ZNF133: variants seen among roughly 807,000 people sequenced by gnomAD.
The protein encoded by ZNF133 is zinc finger protein 133.
ZNF133 carries 26 observed loss-of-function variants against 54.9 expected under a neutral mutation model. That is an observed-to-expected ratio of 0.47 (90% CI 0.35 to 0.66). The LOEUF (loss-of-function observed/expected upper bound fraction) is 0.66. Among genes scored for constraint, ZNF133 ranks in the 30% least tolerant of loss-of-function variants. The pLI, the probability that ZNF133 is intolerant of heterozygous loss-of-function variation, is 0.01. For synonymous variants in ZNF133, 298 were observed against 320.3 expected, an observed-to-expected ratio of 0.93 and a Z score of 0.74; for missense variants, 653 against 820.8, an observed-to-expected ratio of 0.80 and a Z score of 2.50.
intron 1 of ZNF133, among the ~76,000 whole-genome samples, chr20:18,292,819 A>T (rs1327697219): frequency 6.6e-6 from 1 of 152,236 alleles, no homozygotes; most frequent in Non-Finnish European, 1.5e-5. Context: ...TACTTGCCAA[A>T]TGAAGGCATA....
At chr20:18,307,666 G>A (rs1003352060) in intron 6 of ZNF133, among the ~76,000 whole-genome samples, 1 of 152,010 alleles carries the variant, frequency 6.6e-6, no homozygotes, top group African/African-American at 2.4e-5. Flanking sequence ...AATCCCACAG[G>A]TTATAGATCC....
chr20:18,305,022 G>T lies in ZNF133; in HGVS notation c.-163G>T, dbSNP rs1285558136. 1 of 985,248 alleles carries T rather than the reference G, an allele frequency of 1.0e-6. No homozygotes were observed. The highest frequency in any genetic ancestry group is 1.2e-6 in the Non-Finnish European group (1 of 829,946). 61.0% of individuals were successfully genotyped at this position (985,248 alleles called of 1,614,324 possible). On this transcript the variant is annotated 5_prime_UTR_variant, in exon 4 of 7. The change creates a premature stop within an existing upstream ORF in the 5' untranslated region. Transcript: ENST00000425686. This position sits in a 1 kb window ranked among gnomAD's most constrained non-coding sequence, Gnocchi z 4.7. ...CTCTATTCCAGTGTGTCCTCCATTTGGAAGTAGTGCTAAGAAAATTAAAAG... is the reference window on the plus strand; with the variant it reads ...CTCTATTCCAGTGTGTCCTCCATTTTGAAGTAGTGCTAAGAAAATTAAAAG...
intron 1 of ZNF133, among the ~76,000 whole-genome samples, chr20:18,296,960 CTGT>C (rs1362578244): frequency 3.9e-5 from 6 of 152,198 alleles, no homozygotes; most frequent in African/African-American, 1.2e-4. Context: ...CTTTGGATTC[CTGT>C]TGTTGTTCTT....
chr20:18,294,671 T>C (rs2041860985), intron 1 of ZNF133, among the ~76,000 whole-genome samples: 1 of 152,204 alleles, frequency 6.6e-6, no homozygotes, highest in Admixed American at 6.5e-5. Context: ...TTGTTTTGTT[T>C]TTTGAAGAAG....
intron 1 of ZNF133, among the ~76,000 whole-genome samples, chr20:18,294,595 G>C (rs2041835869): frequency 6.8e-6 from 1 of 146,602 alleles, no homozygotes; most frequent in South Asian, 2.1e-4. Flanking sequence ...CAACTTCCTT[G>C]TAAGTCTAAA....
In ZNF133 at chr20:18,306,278, T is replaced by C. The variant is rs1393309633; in HGVS notation, c.122-20T>C. The C allele has an allele frequency of 5.0e-6, 8 of 1,607,634 alleles. No homozygotes were observed. The highest frequency in any genetic ancestry group is 6.8e-6 in the Non-Finnish European group (8 of 1,176,204). Reference sequence around the variant, plus strand: ...CTTGAGCCCATAACCTAGTTACTTATTTTCTTTTCCTGTGAGCAGGAATTT... The same window carrying C: ...CTTGAGCCCATAACCTAGTTACTTACTTTCTTTTCCTGTGAGCAGGAATTT... On this transcript the variant is annotated intron_variant, in intron 5 of 6. Transcript: ENST00000425686.
Position 18,315,265 on chromosome 20 carries a change from C to T in ZNF133, c.414C>T (p.Pro138=). 1 of 1,614,050 alleles carries T rather than the reference C, an allele frequency of 6.2e-7. No homozygotes were observed. The highest frequency in any genetic ancestry group is 8.5e-7 in the Non-Finnish European group (1 of 1,179,996). Residue 138 remains proline, a synonymous_variant, in exon 7 of 7, where the codon CCC becomes CCT. Coordinates refer to ENST00000425686, the MANE Select transcript of ZNF133 (RefSeq NM_001352452.2). ...EKQQQASEGR[P]WSDQAEGPEG... ...AGCAACAAGCCTCTGAGGGGAGACC[C>T]TGGAGTGATCAAGCAGAAGGTCCTG...
At chr20:18,300,615 A>G (rs189258889) in intron 3 of ZNF133, among the ~76,000 whole-genome samples, 2 of 152,298 alleles carry the variant, frequency 1.3e-5, no homozygotes, top group Non-Finnish European at 2.9e-5. Context: ...ATAGTTTCAG[A>G]AGAATGGAAA....
rs2044464623 is a variant in ZNF133, at chr20:18,305,929, T to C, written c.121+122T>C. 2 of 1,304,390 alleles carry C rather than the reference T, an allele frequency of 1.5e-6. No individual in the cohort carries two copies. Among genetic ancestry groups the C allele is most frequent in the Non-Finnish European group, 2.1e-6 (2 of 958,748 alleles). 80.8% of individuals were successfully genotyped at this position (1,304,390 alleles called of 1,614,324 possible). ...TGGACCAAAAAGCAACTACATTTTA[T>C]TCGTGTTTCCCCAGGGAGGGTCTGA... On this transcript the variant is annotated intron_variant, in intron 5 of 6. Coordinates refer to ENST00000425686, the MANE Select transcript of ZNF133 (RefSeq NM_001352452.2). This position sits in a 1 kb window ranked among gnomAD's most constrained non-coding sequence, Gnocchi z 4.7.
intron 6 of ZNF133, chr20:18,306,771 T>C (rs1486603689): frequency 7.6e-7 from 1 of 1,308,942 alleles, no homozygotes; most frequent in East Asian, 4.9e-5. Flanking sequence ...GAGGAAGAAA[T>C]CTAAAAAGCC....
At chr20:18,289,788 T>G (rs1450348014) in intron 1 of ZNF133, 1 of 152,264 alleles carries the variant, frequency 6.6e-6, no homozygotes, top group Admixed American at 6.5e-5. Context: ...AGAAGGTCGC[T>G]TCATGCTCAG....
chr20:18,314,858 T>C, intron 6 of ZNF133: 1 of 475,912 alleles, frequency 2.1e-6, no homozygotes, highest in Admixed American at 3.8e-5. Context: ...TGTAGTCTTA[T>C]ATGTAGAGCA....
intron 3 of ZNF133, among the ~76,000 whole-genome samples, chr20:18,302,090 G>T (rs1881274609): frequency 6.6e-6 from 1 of 152,046 alleles, no homozygotes; most frequent in South Asian, 2.1e-4. Flanking sequence ...ATGCAGGATT[G>T]TTCAACATAC....
chr20:18,289,286 C>T (rs1050603593), intron 1 of ZNF133, among the ~76,000 whole-genome samples: 1 of 152,124 alleles, frequency 6.6e-6, no homozygotes, highest in African/African-American at 2.4e-5. Flanking sequence ...TCCCAGGGAC[C>T]GTCATTGATC....
chr20:18,305,695 C>G lies in ZNF133; in HGVS notation c.9C>G (p.Phe3Leu), dbSNP rs1164485786. 3.7e-6 allele frequency: 6 copies of G among 1,614,018 alleles called. No individual in the cohort carries two copies. Among genetic ancestry groups the G allele is most frequent in the Non-Finnish European group, 5.1e-6 (6 of 1,180,038 alleles). Reference sequence around the variant, plus strand: ...TTGTGTTACAGGCACACATGGCATTCAGGGATGTGGCTGTGGATTTCACCC... The same window carrying G: ...TTGTGTTACAGGCACACATGGCATTGAGGGATGTGGCTGTGGATTTCACCC... MA[F>L]RDVAVDFTQD... The change falls in exon 5 of 7, where the codon TTC (phenylalanine) becomes TTG (leucine). Residue 3 changes from phenylalanine to leucine, a missense_variant. Phe to Leu is a conservative substitution (Grantham distance 22). This residue lies in a region of ZNF133 where 227 missense variants were observed against 233.9 expected (regional missense o/e 0.97). Coordinates refer to ENST00000425686, the MANE Select transcript of ZNF133 (RefSeq NM_001352452.2). The surrounding 1 kb of genome is among the most constrained non-coding windows in gnomAD (Gnocchi z 4.7).
intron 3 of ZNF133, among the ~76,000 whole-genome samples, chr20:18,302,233 C>G (rs973816708): frequency 6.6e-5 from 10 of 151,736 alleles, no homozygotes; most frequent in African/African-American, 2.4e-4. Flanking sequence ...AAACCACATC[C>G]CTACTGAAAA....
Position 18,316,559 on chromosome 20 carries a change from CG to C in ZNF133, c.1711del (p.Ala571LeufsTer28), listed in dbSNP as rs1460003294. ...TAAGTCAGCTCTAATTACACACAAG[CG>C]GGCTCACTCGGAAGAGAAGCCTTGT... ...GNKSALITHK[R>X]AHSEEKPCVC... On this transcript the variant is annotated frameshift_variant, in exon 7 of 7. Coordinates refer to ENST00000425686, the MANE Select transcript of ZNF133 (RefSeq NM_001352452.2). LOFTEE classifies it high-confidence loss of function. The C allele has an allele frequency of 5.6e-6, 9 of 1,613,964 alleles. No individual in the cohort carries two copies. In the East Asian group the frequency reaches 1.1e-4, roughly 20 times the overall value.
chr20:18,289,349 C>A (rs61191003), intron 1 of ZNF133, among the ~76,000 whole-genome samples: 2,424 of 152,278 alleles, frequency 0.016, 71 homozygotes, highest in African/African-American at 0.055. Context: ...TGGGATTTTA[C>A]ATTCCATTTA....
At chr20:18,301,860 TCTC>T (rs1249512908) in intron 3 of ZNF133, among the ~76,000 whole-genome samples, 1 of 152,102 alleles carries the variant, frequency 6.6e-6, no homozygotes, top group Non-Finnish European at 1.5e-5. Context: ...CACTAGTTCT[TCTC>T]AAACTTCTCC....
Sources: allele counts gnomAD v4.1 joint callset (sites outside exome capture counted in the v4.1 genomes callset), GRCh38; gene constraint gnomAD v4.1.1; regional missense constraint gnomAD v4.1.1; non-coding constraint Gnocchi (gnomAD v3.1); transcripts MANE v1.5; gene names NCBI Gene and HGNC (gene_info 2026-07-23, HGNC 2026-07-21).